The following ARID5B variants were observed in gnomAD, a reference collection of about 807,000 sequenced individuals.
ARID5B encodes AT-rich interactive domain-containing protein 5B.
ARID5B carries 13 observed loss-of-function variants against 97.2 expected under a neutral mutation model. That is an observed-to-expected ratio of 0.13 (90% CI 0.09 to 0.21). The LOEUF (loss-of-function observed/expected upper bound fraction) is 0.21. ARID5B is among the 10% of genes least tolerant of loss of function. The pLI, the probability that ARID5B is intolerant of heterozygous loss-of-function variation, is 1.00. For synonymous variants in ARID5B, 556 were observed against 570.3 expected (o/e 0.97, Z 0.36); for missense variants, 1,210 against 1,465.3 (o/e 0.83, Z 2.84).
intron 3 of ARID5B, among the ~76,000 whole-genome samples, chr10:61,986,016 T>C (rs1018811259): frequency 2.9e-4 from 44 of 152,226 alleles, no homozygotes; most frequent in East Asian, 5.8e-4. Context: ...AATTTGCGTC[T>C]CATAAAAATC....
rs1009207658 is a variant in ARID5B at position 62,012,449 on chromosome 10, G to A, written c.733+12128G>A. Among the ~76,000 whole-genome samples the A allele has an allele frequency of 2.6e-5, 4 of 152,238 alleles. No individual in the cohort carries two copies. In the East Asian group the frequency reaches 7.7e-4, roughly 29 times the overall value. The stretch of plus-strand genomic sequence containing the variant: ...TGACGTGGGAGGATCATTTGAGCCT[G>A]GTATGCCAAGGTTGCAGTGAGCCAA... On this transcript the variant is annotated intron_variant, in intron 4 of 9. Transcript: ENST00000279873.
chr10:61,957,059 TA>T (rs1838401138), intron 3 of ARID5B, among the ~76,000 whole-genome samples: 1 of 152,204 alleles, frequency 6.6e-6, no homozygotes, highest in Non-Finnish European at 1.5e-5. Flanking sequence ...GACAGGAACT[TA>T]CTATGTGCAT....
At chr10:62,071,193 G>A (rs1024632815) in intron 8 of ARID5B, among the ~76,000 whole-genome samples, 15 of 151,936 alleles carry the variant, frequency 9.9e-5, no homozygotes, top group East Asian at 1.9e-4. Flanking sequence ...GTGCTACCAC[G>A]CCCAGCTAAT....
chr10:62,047,893 C>T (rs1839732010), intron 4 of ARID5B, among the ~76,000 whole-genome samples: 1 of 152,192 alleles, frequency 6.6e-6, no homozygotes, highest in African/African-American at 2.4e-5. Context: ...GTCTCTGATT[C>T]GATTGCAGAG....
At chr10:61,975,337 A>G (rs1838684249) in intron 3 of ARID5B, among the ~76,000 whole-genome samples, 1 of 152,166 alleles carries the variant, frequency 6.6e-6, no homozygotes, top group Non-Finnish European at 1.5e-5. Flanking sequence ...CTTCCAACAC[A>G]CTGGAAGTAG....
intron 4 of ARID5B, among the ~76,000 whole-genome samples, chr10:62,004,658 T>C (rs754015701): frequency 6.6e-6 from 1 of 152,260 alleles, no homozygotes; most frequent in Non-Finnish European, 1.5e-5. Flanking sequence ...CTGTCATTTA[T>C]ATTGTGTTAT....
chr10:62,068,161 A>G (rs1475124455), intron 7 of ARID5B, among the ~76,000 whole-genome samples: 13 of 152,218 alleles, frequency 8.5e-5, no homozygotes, highest in African/African-American at 3.1e-4. Flanking sequence ...TAAATATAAA[A>G]TAATTATCAA....
chr10:61,932,527 C>T (rs1186694575), intron 2 of ARID5B, among the ~76,000 whole-genome samples: 1 of 151,748 alleles, frequency 6.6e-6, no homozygotes, highest in African/African-American at 2.4e-5. Flanking sequence ...CCTTCCACCT[C>T]AGCCCCTGAG....
At chr10:62,058,418 A>C (rs1305533374) in intron 6 of ARID5B, among the ~76,000 whole-genome samples, 1 of 152,182 alleles carries the variant, frequency 6.6e-6, no homozygotes, top group East Asian at 1.9e-4. Context: ...CCAAGGAATC[A>C]CTTGAAGTTC....
chr10:62,002,156 G>C (rs1839088063), intron 4 of ARID5B, among the ~76,000 whole-genome samples: 1 of 152,126 alleles, frequency 6.6e-6, no homozygotes, highest in Admixed American at 6.5e-5. Context: ...AACCTTTCTG[G>C]TTAATTTAAG....
In ARID5B at chr10:62,093,207, T is replaced by A; in HGVS notation, c.*177T>A. The A allele has an allele frequency of 2.3e-6, 2 of 860,286 alleles. No homozygotes were observed. The highest frequency in any genetic ancestry group is 3.4e-6 in the Non-Finnish European group (2 of 585,486). The allele number at this position is 860,286 out of a possible 1,614,324, so 53.3% of individuals were successfully genotyped here. A position where few individuals can be genotyped will look rare whatever the true frequency, so the allele number is the denominator to read the frequency against. ...ATGCCTGATTTTTGTGGGACAACTC[T>A]AGCCCACAAACTGACTGGCTGGTGA... On this transcript the variant is annotated 3_prime_UTR_variant, in exon 10 of 10. Coordinates refer to ENST00000279873, the MANE Select transcript of ARID5B (RefSeq NM_032199.3).
chr10:62,025,775 A>G (rs1412533800), intron 4 of ARID5B, among the ~76,000 whole-genome samples: 2 of 149,230 alleles, frequency 1.3e-5, no homozygotes, highest in South Asian at 2.2e-4. Flanking sequence ...ACAATCAAGC[A>G]TGCCTGCTGA....
chr10:61,920,732 T>C (rs926610237), intron 2 of ARID5B, among the ~76,000 whole-genome samples: 6 of 152,198 alleles, frequency 3.9e-5, no homozygotes, highest in African/African-American at 1.2e-4. Context: ...ATATGGGCCT[T>C]TGACTATAAC....
intron 4 of ARID5B, among the ~76,000 whole-genome samples, chr10:62,006,471 A>G (rs934189404): frequency 6.6e-6 from 1 of 152,156 alleles, no homozygotes; most frequent in Admixed American, 6.6e-5. Context: ...CAACAACAAA[A>G]TAATGGTCTA....
intron 3 of ARID5B, among the ~76,000 whole-genome samples, chr10:61,971,506 T>C (rs1301114399): frequency 3.9e-5 from 6 of 152,242 alleles, no homozygotes; most frequent in African/African-American, 1.4e-4. Flanking sequence ...TGTTATCCGA[T>C]GGAAATTTTC....
chr10:61,916,385 A>G (rs1843904688), intron 2 of ARID5B, among the ~76,000 whole-genome samples: 1 of 152,084 alleles, frequency 6.6e-6, no homozygotes, highest in Non-Finnish European at 1.5e-5. Flanking sequence ...TGCAGCAGAG[A>G]CTATATACCA....
intron 2 of ARID5B, among the ~76,000 whole-genome samples, chr10:61,927,584 C>T (rs1844129653): frequency 6.6e-6 from 1 of 152,132 alleles, no homozygotes; most frequent in African/African-American, 2.4e-5. Flanking sequence ...GGAAACCTGC[C>T]TCTAAAAAAT....
intron 7 of ARID5B, among the ~76,000 whole-genome samples, chr10:62,066,764 A>T (rs780296931): frequency 5.9e-5 from 9 of 152,146 alleles, no homozygotes; most frequent in Non-Finnish European, 1.3e-4. Context: ...TCCCTCGTTT[A>T]GATGGTAGGA....
intron 3 of ARID5B, among the ~76,000 whole-genome samples, chr10:61,947,061 C>G (rs1302639812): frequency 6.6e-6 from 1 of 152,124 alleles, no homozygotes; most frequent in Non-Finnish European, 1.5e-5. Flanking sequence ...GTTAACCATG[C>G]ATTCGTTAAA....
Sources: gnomAD v4.1 joint callset for allele counts (sites outside exome capture counted in the v4.1 genomes callset) on GRCh38, gnomAD v4.1.1 for gene constraint, MANE v1.5 for transcripts, NCBI Gene and HGNC (gene_info 2026-07-23, HGNC 2026-07-21) for gene names.